Variants in NBEAL2 observed in about 807,000 individuals in gnomAD.
NBEAL2 encodes the protein neurobeachin like 2, also known as neurobeachin-like protein 2.
Under a neutral mutation model 299.8 loss-of-function variants are expected in NBEAL2, and 160 were observed. The ratio of observed to expected loss-of-function variants is 0.53; its 90% CI spans 0.47 to 0.61. The LOEUF is 0.61. Among genes scored for constraint, NBEAL2 ranks in the 20% least tolerant of loss-of-function variants. The pLI, the probability that NBEAL2 is intolerant of heterozygous loss-of-function variation, is 0.00. For missense variants in NBEAL2, 3,112 were observed against 3,649.0 expected (o/e 0.85, Z 3.79); for synonymous variants, 1,493 against 1,542.3 (o/e 0.97, Z 0.75).
chr3:46,987,662 C>T (rs1271362193), intron 1 of NBEAL2, among the ~76,000 whole-genome samples: 1 of 152,178 alleles, frequency 6.6e-6, no homozygotes, highest in Non-Finnish European at 1.5e-5. Context: ...GCGCGCAGGT[C>T]AGGGAGCTGT....
rs377309727 is a variant in NBEAL2, at chr3:47,002,984, G to C, written c.5487G>C (p.Leu1829=). ...LRDTPIPRWK[L]SSAETYSRMR... ...ACACTCCCATCCCCCGCTGGAAACT[G>C]TCCAGCGCCGAGACATATTCACGCA... Residue 1829 remains leucine, a synonymous_variant, in exon 34 of 54, where the codon CTG becomes CTC. Transcript: ENST00000450053. The C allele has an allele frequency of 5.6e-6, 9 of 1,613,298 alleles. No homozygotes were observed. Among genetic ancestry groups the C allele is most frequent in the Non-Finnish European group, 7.6e-6 (9 of 1,179,848 alleles).
rs374287073 is a variant in NBEAL2 at position 46,991,241 on chromosome 3, C to T, written c.579C>T (p.His193=). ...CAGAGAGCCTACAGAATGCAGACCA[C>T]TTGCCTCCCATACTGCTGTTACGTC... ...FFQESLQNAD[H]LPPILLLRLI... The change falls in exon 7 of 54, where the codon CAC becomes CAT. Residue 193 remains histidine, a synonymous_variant. Transcript: ENST00000450053. The surrounding 1 kb of genome is among the most constrained non-coding windows in gnomAD (Gnocchi z 6.2). 2.6e-4 allele frequency: 413 copies of T among 1,608,036 alleles called. No homozygotes were observed. Among genetic ancestry groups the T allele is most frequent in the Non-Finnish European group, 3.3e-4 (384 of 1,177,162 alleles).
rs1377087772 is a variant in NBEAL2, at chr3:47,007,662, G to A, written c.7472G>A (p.Arg2491His). 2.3e-5 allele frequency: 37 copies of A among 1,609,848 alleles called. No homozygotes were observed. The highest frequency in any genetic ancestry group is 2.7e-5 in the Non-Finnish European group (32 of 1,178,020). The change falls in exon 48 of 54, where the codon CGT becomes CAT. Residue 2491 changes from arginine to histidine, a missense_variant. Transcript: ENST00000450053. ...AGCCTGCGGGTGACTGCACTACCCCGTGGCAAGCTGTTGAGCCAGCTCAGC... is the reference window on the plus strand; with the variant it reads ...AGCCTGCGGGTGACTGCACTACCCCATGGCAAGCTGTTGAGCCAGCTCAGC... ...DGSLRVTALP[R>H]GKLLSQLSCH...
intron 10 of NBEAL2, 108 bp from the exon 11 acceptor site, chr3:46,993,829 A>T: frequency 2.1e-6 from 2 of 953,932 alleles, no homozygotes; most frequent in South Asian, 1.5e-5. Flanking sequence ...GATCCAGCAC[A>T]TGCCACATGC....
chr3:46,999,541 G>A, intron 25 of NBEAL2, 67 bp downstream of exon 25: 1 of 1,591,010 alleles, frequency 6.3e-7, no homozygotes, highest in Non-Finnish European at 8.6e-7. Flanking sequence ...CAGGCCGGAA[G>A]AAGGAAGATA....
intron 52 of NBEAL2, 95 bp from the exon 53 acceptor site, chr3:47,008,894 A>T: frequency 6.5e-7 from 1 of 1,539,332 alleles, no homozygotes; most frequent in African/African-American, 1.4e-5. Flanking sequence ...CATCCTTAAA[A>T]TGAGGACAGA....
intron 11 of NBEAL2, 66 bp from the exon 12 acceptor site, chr3:46,994,389 A>AG: frequency 1.4e-6 from 2 of 1,424,466 alleles, no homozygotes; most frequent in African/African-American, 1.4e-5. Context: ...CAGAGTTTCC[A>AG]GGGGGTCTGA....
At chr3:46,997,525 T>C in intron 19 of NBEAL2, 36 bp from the exon 20 acceptor site, 1 of 1,584,542 alleles carries the variant, frequency 6.3e-7, no homozygotes, top group Non-Finnish European at 8.6e-7. Flanking sequence ...TGGCAGGCCC[T>C]TGACACACAT....
At position 47,007,626 on chromosome 3, in the gene NBEAL2, A is replaced by G; in HGVS notation, c.7436A>G (p.His2479Arg). The change falls in exon 48 of 54, where the codon CAC becomes CGC. Residue 2479 changes from histidine (H) to arginine (R), a missense_variant. Around this residue, in one of 3 missense-constraint regions of NBEAL2, gnomAD observed 348 missense variants for 381.4 expected, o/e 0.91. Transcript: ENST00000450053. ...GGAAAGCTGCTATTCAGCGGTGGCC[A>G]CTGGGATGGCAGCCTGCGGGTGACT... ...PDGKLLFSGG[H>R]WDGSLRVTAL... 1 of 1,611,450 alleles carries G rather than the reference A, an allele frequency of 6.2e-7. No individual in the cohort carries two copies. Among genetic ancestry groups the G allele is most frequent in the South Asian group, 1.1e-5 (1 of 90,658 alleles).
In NBEAL2 at chr3:46,999,380, G is replaced by A. The variant is rs772911135; in HGVS notation, c.3609G>A (p.Arg1203=). 3 of 1,607,412 alleles carry A rather than the reference G, an allele frequency of 1.9e-6. No homozygotes were observed. Among genetic ancestry groups the A allele is most frequent in the Non-Finnish European group, 2.5e-6 (3 of 1,177,654 alleles). Residue 1203 remains arginine (R), a synonymous_variant, in exon 25 of 54, where the codon CGG becomes CGA. Coordinates refer to ENST00000450053, the MANE Select transcript of NBEAL2 (RefSeq NM_015175.3). ...PERSRQRLRL[R]ECGLQGLVAC... is the part of the protein sequence containing the mutation. The stretch of plus-strand genomic sequence containing the variant: ...GGAGCCGCCAGCGCCTCCGGCTGCG[G>A]GAGTGTGGTCTCCAGGGTCTGGTTG...
At position 46,979,840 on chromosome 3, in the gene NBEAL2, AGGGCCGGAGCC is replaced by A; in HGVS notation, c.-14_-4del. ...GAGGCGGCGACAGGTGGCGCGCAGC[AGGGCCGGAGCC>A]GGGCCGGGCCATGGCCGCCTCGGAG... On this transcript the variant is annotated 5_prime_UTR_variant, in exon 1 of 54. Transcript: ENST00000450053. The A allele has an allele frequency of 2.3e-6, 1 of 430,156 alleles. No individual in the cohort carries two copies. Among genetic ancestry groups the A allele is most frequent in the Middle Eastern group, 6.1e-4 (1 of 1,642 alleles). The allele number at this position is 430,156 out of a possible 1,614,324, so 26.6% of individuals were successfully genotyped here.
Position 46,998,527 on chromosome 3 carries a change from C to T in NBEAL2, c.3183C>T (p.Gly1061=), listed in dbSNP as rs771570703. Residue 1061 remains glycine (G), a synonymous_variant, in exon 22 of 54, where the codon GGC becomes GGT. Transcript: ENST00000450053. The part of the protein sequence containing the change: ...EHRQKLRKKY[G]VQFILDALRT... ...GACAGAAGCTGCGGAAGAAGTACGG[C>T]GTCCAGTTTATCTTGGATGCTCTGC... 2.5e-6 allele frequency: 4 copies of T among 1,612,954 alleles called. No homozygotes were observed. The highest frequency in any genetic ancestry group is 3.4e-6 in the Non-Finnish European group (4 of 1,179,626).
At chr3:46,996,901 GCCAC>G (rs955302003) in intron 17 of NBEAL2, 49 bp from the exon 18 acceptor site, 1 of 1,608,544 alleles carries the variant, frequency 6.2e-7, no homozygotes, top group African/African-American at 1.3e-5. Flanking sequence ...CACTCTGCCT[GCCAC>G]CCCCTCCTCC....
In NBEAL2 at chr3:46,994,166, A is replaced by G. The variant is rs2036303590; in HGVS notation, c.1197+146A>G. On this transcript the variant is annotated intron_variant, in intron 11 of 53. Transcript: ENST00000450053. ...CTGGGAGGTGACTGCCCTGCCCTAAAGCTCACTGGGCAGGTGTGGTCGCCA... is the reference window on the plus strand; with the variant it reads ...CTGGGAGGTGACTGCCCTGCCCTAAGGCTCACTGGGCAGGTGTGGTCGCCA... The G allele has an allele frequency of 2.2e-5, 18 of 826,296 alleles. No individual in the cohort carries two copies. In the South Asian group the frequency reaches 2.6e-4, roughly 12 times the overall value. 51.2% of individuals were successfully genotyped at this position (826,296 alleles called of 1,614,324 possible). A position where few individuals can be genotyped will look rare whatever the true frequency, so the allele number is the denominator to read the frequency against.
chr3:46,989,256 A>C lies in NBEAL2; in HGVS notation c.352-4A>C, dbSNP rs201977616. The C allele has an allele frequency of 8.1e-6, 13 of 1,612,188 alleles. No homozygotes were observed. The highest frequency in any genetic ancestry group is 1.1e-5 in the Non-Finnish European group (13 of 1,179,128). On this transcript the variant is annotated splice_region_variant and splice_polypyrimidine_tract_variant and intron_variant, in intron 4 of 53. Transcript: ENST00000450053. The surrounding 1 kb of genome is among the most constrained non-coding windows in gnomAD (Gnocchi z 5.5). ...GGGCTAACCCTCTCTCCCCACACCT[A>C]CAGCTGAAAGGATGCCCACCACCCC...
chr3:46,988,902 C>T lies in NBEAL2; in HGVS notation c.201C>T (p.Ala67=), dbSNP rs772836674. 1.8e-5 allele frequency: 29 copies of T among 1,612,602 alleles called. No homozygotes were observed. Among genetic ancestry groups the T allele is most frequent in the Non-Finnish European group, 2.3e-5 (27 of 1,179,120 alleles). The change falls in exon 3 of 54, where the codon GCC becomes GCT. Residue 67 remains alanine, a synonymous_variant. Coordinates refer to ENST00000450053, the MANE Select transcript of NBEAL2 (RefSeq NM_015175.3). This position sits in a 1 kb window ranked among gnomAD's most constrained non-coding sequence, Gnocchi z 4.4. ...CACTGGATGAGCTGCATGTGCTGGCCGAACAGCTGCACCAGGCTGACCTGG... is the reference window on the plus strand; with the variant it reads ...CACTGGATGAGCTGCATGTGCTGGCTGAACAGCTGCACCAGGCTGACCTGG... The part of the protein sequence containing the change: ...LLPLDELHVL[A]EQLHQADLEQ...
chr3:46,997,921 C>T (rs1055040456), intron 20 of NBEAL2, 146 bp from the exon 21 acceptor site: 60 of 1,208,488 alleles, frequency 5.0e-5, no homozygotes, highest in South Asian at 2.2e-4. Context: ...GTGTCAGAGG[C>T]GGCAGGAAGC....
At chr3:46,995,881 G>C (rs1158393701) in intron 14 of NBEAL2, 35 bp downstream of exon 14, 2 of 1,613,532 alleles carry the variant, frequency 1.2e-6, no homozygotes, top group Admixed American at 1.7e-5. Context: ...GCCCAGTAGA[G>C]AGAGGGGTGC....
Position 46,991,158 on chromosome 3 carries a change from C to T in NBEAL2, c.557-61C>T. The T allele has an allele frequency of 7.0e-7, 1 of 1,437,376 alleles. No homozygotes were observed. The highest frequency in any genetic ancestry group is 9.6e-7 in the Non-Finnish European group (1 of 1,040,640). The allele number at this position is 1,437,376 out of a possible 1,614,324, so 89.0% of individuals were successfully genotyped here. The stretch of plus-strand genomic sequence containing the variant: ...CCAGGGCACTCACCTCTTGTGCAGC[C>T]CCCTGGGTCCATAGCCCTGCAACCT... On this transcript the variant is annotated intron_variant, in intron 6 of 53. Coordinates refer to ENST00000450053, the MANE Select transcript of NBEAL2 (RefSeq NM_015175.3). The surrounding 1 kb of genome is among the most constrained non-coding windows in gnomAD (Gnocchi z 6.2).
Sources: gnomAD v4.1 joint callset for allele counts (sites outside exome capture counted in the v4.1 genomes callset) on GRCh38, gnomAD v4.1.1 for gene constraint, gnomAD v4.1.1 regional missense constraint, Gnocchi (gnomAD v3.1) non-coding constraint, MANE v1.5 for transcripts, NCBI Gene and HGNC (gene_info 2026-07-23, HGNC 2026-07-21) for gene names.